CNTNAP2: variants seen among roughly 807,000 people sequenced by gnomAD.
CNTNAP2 encodes contactin-associated protein-like 2.
CNTNAP2 carries 98 observed loss-of-function variants against 155.2 expected under a neutral mutation model. That is an observed-to-expected ratio of 0.63 (90% confidence interval 0.54 to 0.75). The LOEUF (loss-of-function observed/expected upper bound fraction) is 0.75. Among genes scored for constraint, CNTNAP2 ranks in the 30% least tolerant of loss-of-function variants. The pLI, the probability that CNTNAP2 is intolerant of heterozygous loss-of-function variation, is 0.00. For missense variants in CNTNAP2, 1,727 were observed against 1,688.1 expected, an observed-to-expected ratio of 1.02 and a Z score of -0.40; for synonymous variants, 651 against 631.2, an observed-to-expected ratio of 1.03 and a Z score of -0.47.
At chr7:147,660,336 A>G (rs1795590718) in intron 13 of CNTNAP2, among the ~76,000 whole-genome samples, 1 of 152,164 alleles carries the variant, frequency 6.6e-6, no homozygotes, top group Non-Finnish European at 1.5e-5. Context: ...CCACTTATCC[A>G]TAGAGAAAAA....
chr7:147,940,789 C>T (rs1418063667), intron 14 of CNTNAP2, among the ~76,000 whole-genome samples: 3 of 152,238 alleles, frequency 2.0e-5, no homozygotes, highest in Admixed American at 1.3e-4. Flanking sequence ...CCTCCCACCT[C>T]GGGCACCAAA....
chr7:147,825,324 A>G (rs1201537659), intron 13 of CNTNAP2, among the ~76,000 whole-genome samples: 1 of 152,174 alleles, frequency 6.6e-6, no homozygotes, highest in African/African-American at 2.4e-5. Flanking sequence ...TGGAGTATTG[A>G]CCCAGCAATT....
At chr7:146,720,888 T>A (rs1382526156) in intron 1 of CNTNAP2, among the ~76,000 whole-genome samples, 1 of 136,580 alleles carries the variant, frequency 7.3e-6, no homozygotes, top group African/African-American at 2.7e-5. Context: ...ATATATATAC[T>A]CTCTATATAT....
chr7:146,382,809 A>C (rs184549272), intron 1 of CNTNAP2, among the ~76,000 whole-genome samples: 6 of 152,298 alleles, frequency 3.9e-5, no homozygotes, highest in Admixed American at 2.6e-4. Flanking sequence ...GCCATGAGTT[A>C]TGACTAACCG....
intron 21 of CNTNAP2, among the ~76,000 whole-genome samples, chr7:148,279,495 TG>T (rs1195050258): frequency 6.6e-6 from 1 of 152,204 alleles, no homozygotes; most frequent in Non-Finnish European, 1.5e-5. Context: ...TGAGGTACCC[TG>T]GGAGAGAAGT....
At chr7:146,774,475 T>C (rs1244571569) in intron 2 of CNTNAP2, 94 bp downstream of exon 2, 2 of 887,144 alleles carry the variant, frequency 2.3e-6, no homozygotes, top group African/African-American at 3.3e-5. Context: ...ACAACAGATG[T>C]TGGCAGACAC....
At position 148,378,931 on chromosome 7, in the gene CNTNAP2, A is replaced by G. The variant is rs1798995141; in HGVS notation, c.3476-4718A>G. 3.0e-5 allele frequency among the ~76,000 whole-genome samples: 2 copies of G among 66,944 alleles called. 1 individual carries two copies. The highest frequency in any genetic ancestry group is 7.4e-5 in the African/African-American group (2 of 27,188). The allele number at this position is 66,944 out of a possible 152,430, so 43.9% of individuals were successfully genotyped here. A position where few individuals can be genotyped will look rare whatever the true frequency, so the allele number is the denominator to read the frequency against. On this transcript the variant is annotated intron_variant, in intron 21 of 23. Coordinates refer to ENST00000361727, the MANE Select transcript of CNTNAP2 (RefSeq NM_014141.6). ...GAATTACCTAAAGACCCCCAGTGCCACCAGTGCGACATACTTCACCCCAGA... is the reference window on the plus strand; with the variant it reads ...GAATTACCTAAAGACCCCCAGTGCCGCCAGTGCGACATACTTCACCCCAGA...
chr7:147,509,089 T>C (rs759899755), intron 11 of CNTNAP2, among the ~76,000 whole-genome samples: 1 of 152,238 alleles, frequency 6.6e-6, no homozygotes, highest in Non-Finnish European at 1.5e-5. Flanking sequence ...GAGCATGCTA[T>C]AATGCTTTGT....
At chr7:147,491,508 A>G (rs2107857) in intron 11 of CNTNAP2, among the ~76,000 whole-genome samples, 43,583 of 152,078 alleles carry the variant, frequency 0.29, 6,392 homozygotes, top group East Asian at 0.43. Context: ...TTTTGCACTT[A>G]TTATTCATAA....
At chr7:148,003,874 G>A (rs920476789) in intron 15 of CNTNAP2, among the ~76,000 whole-genome samples, 1 of 152,138 alleles carries the variant, frequency 6.6e-6, no homozygotes, top group African/African-American at 2.4e-5. Context: ...TATTCCCAAT[G>A]CCTAGGCCAG....
intron 3 of CNTNAP2, among the ~76,000 whole-genome samples, chr7:147,030,373 TTTTA>T (rs1799006458): frequency 6.6e-6 from 1 of 152,206 alleles, no homozygotes; most frequent in Admixed American, 6.5e-5. Context: ...ACTGGTTAGA[TTTTA>T]TTTAAGATGA....
Position 146,672,627 on chromosome 7 carries a change from T to C in CNTNAP2, c.98-101644T>C, listed in dbSNP as rs114172523. On this transcript the variant is annotated intron_variant, in intron 1 of 23. Transcript: ENST00000361727. The stretch of plus-strand genomic sequence containing the variant: ...TTGAAAACAAACTGTGTCACTAATA[T>C]TGTCAGTCTTATTATTACACTCAAA... 3.6e-3 allele frequency among the ~76,000 whole-genome samples: 551 copies of C among 152,280 alleles called. 1 individual carries two copies. Among genetic ancestry groups the C allele is most frequent in the African/African-American group, 0.013 (529 of 41,552 alleles).
In CNTNAP2 at chr7:148,027,881, C is replaced by G. The variant is rs1802401615; in HGVS notation, c.2383+49892C>G. Among the ~76,000 whole-genome samples, 2 of 152,132 alleles carry G rather than the reference C, an allele frequency of 1.3e-5. 1 individual carries two copies. Among genetic ancestry groups the G allele is most frequent in the Non-Finnish European group, 2.9e-5 (2 of 68,022 alleles). ...CTTGGGCCTCTCAATTTCTGAAACT[C>G]TTGACTTTGATGATCGTAAAATGAC... is the stretch of plus-strand genomic sequence containing the variant. On this transcript the variant is annotated intron_variant, in intron 15 of 23. Transcript: ENST00000361727.
At position 146,362,803 on chromosome 7, in the gene CNTNAP2, G is replaced by A. The variant is rs1459738061; in HGVS notation, c.97+245830G>A. Among the ~76,000 whole-genome samples the A allele has an allele frequency of 6.6e-5, 8 of 120,920 alleles. 1 individual carries two copies. Among genetic ancestry groups the A allele is most frequent in the South Asian group, 5.0e-4 (2 of 3,976 alleles). 79.3% of individuals were successfully genotyped at this position (120,920 alleles called of 152,430 possible). A position where few individuals can be genotyped will look rare whatever the true frequency, so the allele number is the denominator to read the frequency against. The stretch of plus-strand genomic sequence containing the variant: ...TTTTTTTTTTTTGAGACGGAGTCTC[G>A]CTCTGTTGCCAGACTGGAGTGCAGT... On this transcript the variant is annotated intron_variant, in intron 1 of 23. Transcript: ENST00000361727.
At chr7:146,832,549 T>C (rs1018539387) in intron 2 of CNTNAP2, among the ~76,000 whole-genome samples, 1 of 147,994 alleles carries the variant, frequency 6.8e-6, no homozygotes, top group Non-Finnish European at 1.5e-5. Context: ...ATATACATTA[T>C]ACTATGTTTA....
chr7:146,753,168 A>G (rs1405486513), intron 1 of CNTNAP2, among the ~76,000 whole-genome samples: 2 of 152,178 alleles, frequency 1.3e-5, no homozygotes, highest in Non-Finnish European at 2.9e-5. Flanking sequence ...AAGATTATTT[A>G]CACTTTAATA....
At chr7:146,128,001 A>T (rs1797661320) in intron 1 of CNTNAP2, among the ~76,000 whole-genome samples, 1 of 152,184 alleles carries the variant, frequency 6.6e-6, no homozygotes, top group Admixed American at 6.5e-5. Flanking sequence ...CTCCGTCTTC[A>T]TCCTTACCTT....
intron 15 of CNTNAP2, among the ~76,000 whole-genome samples, chr7:148,096,889 A>G (rs531021560): frequency 9.2e-5 from 14 of 152,274 alleles, no homozygotes; most frequent in Admixed American, 6.5e-4. Flanking sequence ...TCATTAGCCA[A>G]CCTGAGAGAA....
intron 14 of CNTNAP2, among the ~76,000 whole-genome samples, chr7:147,932,948 G>C (rs1222250693): frequency 2.6e-5 from 4 of 152,130 alleles, no homozygotes; most frequent in African/African-American, 7.2e-5. Flanking sequence ...CTGGGCAATA[G>C]ATACATAAAA....
Sources: gnomAD v4.1 joint callset for allele counts (sites outside exome capture counted in the v4.1 genomes callset) on GRCh38, gnomAD v4.1.1 for gene constraint, MANE v1.5 for transcripts, NCBI Gene and HGNC (gene_info 2026-07-23, HGNC 2026-07-21) for gene names.